Variants in SMLR1 observed in about 807,000 individuals in gnomAD.
SMLR1 encodes small leucine-rich protein 1.
Under a neutral mutation model 6.1 loss-of-function variants are expected in SMLR1, and 3 were observed. That is an observed-to-expected ratio of 0.49 (90% CI 0.22 to 1.28). The LOEUF (loss-of-function observed/expected upper bound fraction) is 1.28. Ranked by LOEUF, SMLR1 falls within the 50% of genes most tolerant of loss-of-function variation. The pLI is 0.19. For missense variants in SMLR1, 126 were observed against 124.8 expected, an observed-to-expected ratio of 1.01 and a Z score of -0.05; for synonymous variants, 55 against 53.6, an observed-to-expected ratio of 1.03 and a Z score of -0.11.
At chr6:130,828,433 T>C (rs1161276434) in intron 1 of SMLR1, among the ~76,000 whole-genome samples, 1 of 152,236 alleles carries the variant, frequency 6.6e-6, no homozygotes, top group Non-Finnish European at 1.5e-5. Context: ...AGACCAGTCA[T>C]ATTTCTTAAT....
chr6:130,828,876 C>T (rs1774357683), intron 1 of SMLR1, among the ~76,000 whole-genome samples: 1 of 152,110 alleles, frequency 6.6e-6, no homozygotes, highest in African/African-American at 2.4e-5. Context: ...CTCTTGTCAC[C>T]CAGCCATTCA....
chr6:130,834,973 T>A lies in SMLR1; in HGVS notation c.*18T>A. On this transcript the variant is annotated 3_prime_UTR_variant, in exon 2 of 2. Transcript: ENST00000541421. ...GGACGTGAAGTTGGGGACTTTCCAA[T>A]AACTAAAGCACAATGAGTTTCTACT... The A allele has an allele frequency of 6.5e-7, 1 of 1,527,870 alleles. No individual in the cohort carries two copies. The highest frequency in any genetic ancestry group is 1.2e-5 in the South Asian group (1 of 83,846). The allele number at this position is 1,527,870 out of a possible 1,614,324, so 94.6% of individuals were successfully genotyped here. A position where few individuals can be genotyped will look rare whatever the true frequency, so the allele number is the denominator to read the frequency against.
intron 1 of SMLR1, among the ~76,000 whole-genome samples, chr6:130,830,300 C>T (rs941655101): frequency 3.3e-5 from 5 of 152,094 alleles, no homozygotes; most frequent in Admixed American, 6.5e-5. Flanking sequence ...CCTCCATTTT[C>T]TGTGGTTTTT....
At chr6:130,828,894 T>A (rs1199000979) in intron 1 of SMLR1, among the ~76,000 whole-genome samples, 1 of 152,146 alleles carries the variant, frequency 6.6e-6, no homozygotes, top group African/African-American at 2.4e-5. Flanking sequence ...TCATTACCAC[T>A]GAACCCCGGA....
intron 1 of SMLR1, among the ~76,000 whole-genome samples, chr6:130,831,635 A>G (rs1328395563): frequency 6.6e-6 from 1 of 152,190 alleles, no homozygotes; most frequent in African/African-American, 2.4e-5. Flanking sequence ...GCATCCACTT[A>G]AAAAACTGTC....
intron 1 of SMLR1, 74 bp downstream of exon 1, chr6:130,827,725 TG>T: frequency 9.3e-7 from 1 of 1,071,050 alleles, no homozygotes; most frequent in South Asian, 1.4e-5. Flanking sequence ...ACCGATGCAC[TG>T]TCAGTGTTTT....
chr6:130,833,257 G>A (rs978482584), intron 1 of SMLR1, among the ~76,000 whole-genome samples: 5 of 152,104 alleles, frequency 3.3e-5, no homozygotes, highest in African/African-American at 4.8e-5. Context: ...GTAGATTGAC[G>A]AGCTTCCTCT....
chr6:130,835,035 G>T lies in SMLR1; in HGVS notation c.*80G>T. 1 of 1,113,440 alleles carries T rather than the reference G, an allele frequency of 9.0e-7. No individual in the cohort carries two copies. The highest frequency in any genetic ancestry group is 1.3e-5 in the South Asian group (1 of 74,884). The allele number at this position is 1,113,440 out of a possible 1,614,324, so 69.0% of individuals were successfully genotyped here. A position where few individuals can be genotyped will look rare whatever the true frequency, so the allele number is the denominator to read the frequency against. On this transcript the variant is annotated 3_prime_UTR_variant, in exon 2 of 2. Coordinates refer to ENST00000541421, the MANE Select transcript of SMLR1 (RefSeq NM_001195597.2). ...AATGGCCAACAGTTCAGCTAATAAA[G>T]TAGGTTGATAAACTAGAACCATAGC...
In SMLR1 at chr6:130,827,887, G is replaced by A. The variant is rs72998267; in HGVS notation, c.238+236G>A. On this transcript the variant is annotated intron_variant, in intron 1 of 1. Transcript: ENST00000541421. ...AAGGTCTGCTGTAGGGGGCCCTCAC[G>A]TGTAGCACCTCACAGACATACTGTG... Among the ~76,000 whole-genome samples the A allele has an allele frequency of 5.7e-3, 870 of 152,264 alleles. 5 individuals carry two copies. The highest frequency in any genetic ancestry group is 0.016 in the African/African-American group (652 of 41,550).
In SMLR1 at chr6:130,835,827, C is replaced by A. The variant is rs766536559; in HGVS notation, c.*872C>A. The A allele has an allele frequency of 1.3e-5, 2 of 152,096 alleles. No individual in the cohort carries two copies. The highest frequency in any genetic ancestry group is 3.8e-4 in the East Asian group (2 of 5,202). 9.4% of individuals were successfully genotyped at this position (152,096 alleles called of 1,614,324 possible). A position where few individuals can be genotyped will look rare whatever the true frequency, so the allele number is the denominator to read the frequency against. ...AAACTTAATTCTAGGGGTAGTTAAA[C>A]GAGATTGTGGTTACTGTTGTGCTCC... On this transcript the variant is annotated 3_prime_UTR_variant, in exon 2 of 2. Coordinates refer to ENST00000541421, the MANE Select transcript of SMLR1 (RefSeq NM_001195597.2).
chr6:130,834,897 A>G lies in SMLR1; in HGVS notation c.266A>G (p.Asp89Gly). 6.5e-7 allele frequency: 1 copy of G among 1,535,390 alleles called. No homozygotes were observed. Among genetic ancestry groups the G allele is most frequent in the South Asian group, 1.2e-5 (1 of 84,036 alleles). Residue 89 changes from aspartate to glycine, a missense_variant, in exon 2 of 2, where the codon GAT (aspartate) becomes GGT (glycine). Physicochemically the swap from Asp to Gly is moderately conservative, Grantham distance 94. Transcript: ENST00000541421. ...EVNEELSQNC[D>G]RQHNPKDGSS... ...AATGAAGAACTGTCCCAGAACTGTG[A>G]TCGCCAACATAATCCCAAGGATGGC...
At position 130,836,812 on chromosome 6, in the gene SMLR1, G is replaced by A. The variant is rs1774684585; in HGVS notation, c.*1857G>A. 1 of 152,218 alleles carries A rather than the reference G, an allele frequency of 6.6e-6. No individual in the cohort carries two copies. The highest frequency in any genetic ancestry group is 2.4e-5 in the African/African-American group (1 of 41,454). 9.4% of individuals were successfully genotyped at this position (152,218 alleles called of 1,614,324 possible). On this transcript the variant is annotated 3_prime_UTR_variant, in exon 2 of 2. Transcript: ENST00000541421. ...CACAGCTTTACCAAGCAGCTGCACA[G>A]TCAGGCCTTTGCACTTCTCATTCTC... is the stretch of plus-strand genomic sequence containing the variant.
chr6:130,827,490 C>T lies in SMLR1; in HGVS notation c.77C>T (p.Thr26Ile), dbSNP rs868201214. The T allele has an allele frequency of 2.6e-6, 4 of 1,536,028 alleles. No homozygotes were observed. The highest frequency in any genetic ancestry group is 3.3e-4 in the Middle Eastern group (2 of 5,988). The part of the protein sequence containing the change: ...QRKAALVLSV[T>I]PMVPVGSVWL... ...AAAGCTGCCCTGGTCCTGAGTGTGA[C>T]TCCCATGGTCCCCGTGGGGTCTGTG... is the stretch of plus-strand genomic sequence containing the variant. The change falls in exon 1 of 2, where the codon ACT becomes ATT. Residue 26 changes from threonine (T) to isoleucine (I), a missense_variant. Coordinates refer to ENST00000541421, the MANE Select transcript of SMLR1 (RefSeq NM_001195597.2).
At chr6:130,832,255 A>C (rs181148162) in intron 1 of SMLR1, among the ~76,000 whole-genome samples, 11 of 152,290 alleles carry the variant, frequency 7.2e-5, no homozygotes, top group Admixed American at 5.9e-4. Context: ...ACATGGCCAA[A>C]AATAGTCATT....
Position 130,827,617 on chromosome 6 carries a change from C to G in SMLR1, c.204C>G (p.Leu68=), listed in dbSNP as rs888944365. ...TCCCCGTGACTTTGCTGCTGCTCCTCCTCATCGCCTACTTCAGGATCAAAC... is the reference window on the plus strand; with the variant it reads ...TCCCCGTGACTTTGCTGCTGCTCCTGCTCATCGCCTACTTCAGGATCAAAC... ...VFLPVTLLLL[L]LIAYFRIKLI... Residue 68 remains leucine, a synonymous_variant, in exon 1 of 2, where the codon CTC becomes CTG. Transcript: ENST00000541421. 1.3e-6 allele frequency: 2 copies of G among 1,535,870 alleles called. No homozygotes were observed. The highest frequency in any genetic ancestry group is 2.7e-5 in the African/African-American group (2 of 73,000).
Position 130,832,793 on chromosome 6 carries a change from T to A in SMLR1, c.239-2077T>A, listed in dbSNP as rs2236077. ...CTTCACCGACGCACCACCTCTGGAG[T>A]ATCGAGTCCTCAGTAGGGGTTCTAT... On this transcript the variant is annotated intron_variant, in intron 1 of 1. Coordinates refer to ENST00000541421, the MANE Select transcript of SMLR1 (RefSeq NM_001195597.2). Among the ~76,000 whole-genome samples the A allele has an allele frequency of 2.2e-4, 33 of 152,078 alleles. 2 individuals are homozygous for A. The East Asian group carries it at 6.2e-3, about 29-fold the overall frequency.
At chr6:130,829,487 T>C (rs951478581) in intron 1 of SMLR1, among the ~76,000 whole-genome samples, 2 of 152,180 alleles carry the variant, frequency 1.3e-5, no homozygotes, top group Non-Finnish European at 2.9e-5. Flanking sequence ...GCAGGGGAAA[T>C]GCAGTCCAAG....
rs1774662515 is a variant in SMLR1, at chr6:130,836,409, C to G, written c.*1454C>G. On this transcript the variant is annotated 3_prime_UTR_variant, in exon 2 of 2. Coordinates refer to ENST00000541421, the MANE Select transcript of SMLR1 (RefSeq NM_001195597.2). ...GTGAAAGGACAGATCGTATTCCTAT[C>G]TCAGGCAGCTGCCAGCCACATTTGT... is the stretch of plus-strand genomic sequence containing the variant. 6.6e-6 allele frequency: 1 copy of G among 152,188 alleles called. No homozygotes were observed. The highest frequency in any genetic ancestry group is 1.5e-5 in the Non-Finnish European group (1 of 68,030). 9.4% of individuals were successfully genotyped at this position (152,188 alleles called of 1,614,324 possible).
At chr6:130,828,423 A>C (rs2128384132) in intron 1 of SMLR1, among the ~76,000 whole-genome samples, 1 of 152,334 alleles carries the variant, frequency 6.6e-6, no homozygotes, top group South Asian at 2.1e-4. Context: ...AAATCAACAA[A>C]GACCAGTCAT....
Sources: gnomAD v4.1 joint callset for allele counts (sites outside exome capture counted in the v4.1 genomes callset) on GRCh38, gnomAD v4.1.1 for gene constraint, MANE v1.5 for transcripts, NCBI Gene and HGNC (gene_info 2026-07-23, HGNC 2026-07-21) for gene names.